GREB1L: variants seen among roughly 807,000 people sequenced by gnomAD.
The protein encoded by GREB1L is GREB1 like retinoic acid receptor coactivator.
In GREB1L, 17 loss-of-function variants were observed where a neutral mutation model predicts 200.8. That is an observed-to-expected ratio of 0.08 (90% CI 0.06 to 0.13). GREB1L has a LOEUF of 0.13. GREB1L is among the 10% of genes least tolerant of loss of function. The pLI is 1.00. For synonymous variants in GREB1L, 789 were observed against 893.0 expected, an observed-to-expected ratio of 0.88 and a Z score of 2.08; for missense variants, 1,657 against 2,367.7, an observed-to-expected ratio of 0.70 and a Z score of 6.23.
intron 18 of GREB1L, 95 bp from the exon 19 acceptor site, chr18:21,489,917 C>G (rs2036264733): frequency 2.3e-6 from 2 of 858,538 alleles, no homozygotes; most frequent in South Asian, 3.4e-5. Flanking sequence ...GTAGCCCCTT[C>G]CCCACCATGC....
intron 1 of GREB1L, among the ~76,000 whole-genome samples, chr18:21,354,591 G>A (rs2039478169): frequency 6.6e-6 from 1 of 152,236 alleles, no homozygotes; most frequent in South Asian, 2.1e-4. Context: ...AGATTATCAT[G>A]CAGCTTAAAA....
At chr18:21,471,620 CTTTTTTTTTTTT>C (rs77038675) in intron 15 of GREB1L, among the ~76,000 whole-genome samples, 6 of 142,386 alleles carry the variant, frequency 4.2e-5, no homozygotes, top group South Asian at 2.2e-4. Context: ...TCTTTTGTTT[CTTTTTTTTTTTT>C]TTTTTTTTTG....
At chr18:21,450,910 C>T (rs2034489599) in intron 12 of GREB1L, 113 bp from the exon 13 acceptor site, 4 of 1,028,008 alleles carry the variant, frequency 3.9e-6, no homozygotes, top group Non-Finnish European at 5.6e-6. Flanking sequence ...TTTTCTTAAC[C>T]CAAGTCCCTA....
chr18:21,273,925 A>C (rs2038119783), intron 1 of GREB1L, among the ~76,000 whole-genome samples: 1 of 152,132 alleles, frequency 6.6e-6, no homozygotes, highest in Non-Finnish European at 1.5e-5. Flanking sequence ...TGAAAGAAAA[A>C]CTTACTGTTT....
At chr18:21,424,136 A>T (rs549554983) in intron 7 of GREB1L, among the ~76,000 whole-genome samples, 1 of 152,212 alleles carries the variant, frequency 6.6e-6, no homozygotes, top group Admixed American at 6.5e-5. Context: ...GATGTGATGT[A>T]GGGCAACAAA....
At chr18:21,428,332 C>CTTT (rs59982674) in intron 7 of GREB1L, among the ~76,000 whole-genome samples, 4 of 54,024 alleles carry the variant, frequency 7.4e-5, no homozygotes, top group Non-Finnish European at 1.1e-4. Context: ...GTCTTTTTGT[C>CTTT]TTTTTTTTTT....
At chr18:21,485,840 G>T in intron 18 of GREB1L, 87 bp downstream of exon 18, 1 of 1,341,190 alleles carries the variant, frequency 7.5e-7, no homozygotes, top group Non-Finnish European at 1.0e-6. Context: ...TCAGTGCTAC[G>T]GGGTGTTTGA....
At chr18:21,401,653 T>G (rs1249943104) in intron 6 of GREB1L, among the ~76,000 whole-genome samples, 1 of 152,188 alleles carries the variant, frequency 6.6e-6, no homozygotes, top group Non-Finnish European at 1.5e-5. Flanking sequence ...AGATGCCGTT[T>G]TTACTCTATT....
chr18:21,296,138 C>T (rs541271066), intron 1 of GREB1L, among the ~76,000 whole-genome samples: 1 of 152,266 alleles, frequency 6.6e-6, no homozygotes, highest in South Asian at 2.1e-4. Flanking sequence ...ATATTCGTTG[C>T]AGCACTATTC....
chr18:21,344,855 C>T (rs1298560106), intron 1 of GREB1L, among the ~76,000 whole-genome samples: 1 of 152,226 alleles, frequency 6.6e-6, no homozygotes, highest in East Asian at 1.9e-4. Flanking sequence ...GTGATCGCTA[C>T]TGGAGAAAAT....
At chr18:21,320,204 A>T (rs1239200287) in intron 1 of GREB1L, among the ~76,000 whole-genome samples, 8 of 152,214 alleles carry the variant, frequency 5.3e-5, no homozygotes, top group Non-Finnish European at 1.2e-4. Flanking sequence ...AATATGTACA[A>T]AGTTACAACC....
chr18:21,472,119 A>G (rs2035507031), intron 15 of GREB1L, among the ~76,000 whole-genome samples: 1 of 152,196 alleles, frequency 6.6e-6, no homozygotes, highest in Non-Finnish European at 1.5e-5. Context: ...AATTTTTCAT[A>G]TGGTAAAACT....
intron 22 of GREB1L, 85 bp from the exon 23 acceptor site, chr18:21,500,455 G>A: frequency 1.9e-6 from 2 of 1,041,344 alleles, no homozygotes; most frequent in Non-Finnish European, 1.5e-6. Context: ...AGACACTGCA[G>A]AGCCAAGGTG....
intron 1 of GREB1L, among the ~76,000 whole-genome samples, chr18:21,270,254 A>G (rs1174832305): frequency 6.6e-6 from 1 of 152,236 alleles, no homozygotes; most frequent in Admixed American, 6.5e-5. Context: ...ACTCTGAGAA[A>G]CAAATAGTGT....
intron 1 of GREB1L, chr18:21,363,705 GA>G (rs1371919770): frequency 1.3e-5 from 2 of 152,194 alleles, no homozygotes; most frequent in Admixed American, 1.3e-4. Context: ...AGGGTCTGCA[GA>G]GGGGACAGAC....
chr18:21,386,592 G>GT (rs1276180173), intron 4 of GREB1L, among the ~76,000 whole-genome samples: 2 of 115,170 alleles, frequency 1.7e-5, no homozygotes, highest in African/African-American at 8.9e-5. Flanking sequence ...CTGGCCAGTA[G>GT]CTTTTTTTTT....
intron 7 of GREB1L, among the ~76,000 whole-genome samples, chr18:21,414,259 A>G (rs1488773647): frequency 6.6e-6 from 1 of 152,198 alleles, no homozygotes; most frequent in African/African-American, 2.4e-5. Context: ...CTGTTAAGCA[A>G]TAAAAGTAAA....
In GREB1L at chr18:21,290,606, T is replaced by A. The variant is rs147205326; in HGVS notation, c.-120+48213T>A. 1.4e-3 allele frequency among the ~76,000 whole-genome samples: 212 copies of A among 152,222 alleles called. 3 individuals carry two copies. The East Asian group carries it at 0.037, about 27-fold the overall frequency. Reference sequence around the variant, plus strand: ...GAGAGGCTGAGGCAGGTGGATCACCTGAGGTCAGGAGTTTGAGACCAGCCT... The same window carrying A: ...GAGAGGCTGAGGCAGGTGGATCACCAGAGGTCAGGAGTTTGAGACCAGCCT... On this transcript the variant is annotated intron_variant, in intron 1 of 32. Transcript: ENST00000424526.
intron 1 of GREB1L, among the ~76,000 whole-genome samples, chr18:21,311,530 T>C (rs2038789906): frequency 1.3e-5 from 2 of 152,172 alleles, no homozygotes; most frequent in African/African-American, 4.8e-5. Flanking sequence ...TGAAAAATGT[T>C]AAATTTTGCC....
Sources: allele counts gnomAD v4.1 joint callset (sites outside exome capture counted in the v4.1 genomes callset), GRCh38; gene constraint gnomAD v4.1.1; transcripts MANE v1.5; gene names NCBI Gene and HGNC (gene_info 2026-07-23, HGNC 2026-07-21).